The following ANKRD13C variants were observed in gnomAD, a reference collection of about 807,000 sequenced individuals.
ANKRD13C encodes the protein ankyrin repeat domain-containing protein 13C.
ANKRD13C carries 16 observed loss-of-function variants against 65.5 expected under a neutral mutation model. The observed-to-expected ratio is 0.24, with a 90% CI of 0.17 to 0.37. ANKRD13C has a LOEUF of 0.37. ANKRD13C is among the 10% of genes least tolerant of loss of function. The pLI is 1.00. For missense variants in ANKRD13C, 503 were observed against 655.9 expected, an observed-to-expected ratio of 0.77 and a Z score of 2.55; for synonymous variants, 235 against 238.7, an observed-to-expected ratio of 0.98 and a Z score of 0.14.
At chr1:70,303,773 A>C (rs1680474909) in intron 6 of ANKRD13C, among the ~76,000 whole-genome samples, 1 of 152,208 alleles carries the variant, frequency 6.6e-6, no homozygotes, top group Admixed American at 6.5e-5. Flanking sequence ...TTAAAATAGC[A>C]AGTTTTTATT....
At chr1:70,344,431 T>A (rs1283520248) in intron 1 of ANKRD13C, among the ~76,000 whole-genome samples, 1 of 150,788 alleles carries the variant, frequency 6.6e-6, no homozygotes, top group African/African-American at 2.4e-5. Flanking sequence ...ACTATTGCAC[T>A]CCAGCCAGGA....
intron 9 of ANKRD13C, among the ~76,000 whole-genome samples, chr1:70,282,301 C>T (rs899985076): frequency 9.2e-5 from 14 of 151,600 alleles, no homozygotes; most frequent in South Asian, 2.1e-4. Context: ...GTGATTTGCC[C>T]GCCTCAGCCT....
chr1:70,265,358 A>G (rs971475770), intron 12 of ANKRD13C, among the ~76,000 whole-genome samples: 1 of 152,238 alleles, frequency 6.6e-6, no homozygotes, highest in Non-Finnish European at 1.5e-5. Flanking sequence ...AAGGACTTCA[A>G]AATAAGAAAA....
At chr1:70,327,251 G>A (rs1681583548) in intron 2 of ANKRD13C, among the ~76,000 whole-genome samples, 1 of 152,160 alleles carries the variant, frequency 6.6e-6, no homozygotes, top group Non-Finnish European at 1.5e-5. Flanking sequence ...TGTGATATAT[G>A]TAAAGTTCCT....
At chr1:70,341,431 G>A (rs935651388) in intron 1 of ANKRD13C, among the ~76,000 whole-genome samples, 9 of 143,238 alleles carry the variant, frequency 6.3e-5, no homozygotes, top group Admixed American at 1.5e-4. Context: ...GTACAATCTC[G>A]GCTCACTGCA....
At chr1:70,316,710 T>A (rs181541874) in intron 3 of ANKRD13C, among the ~76,000 whole-genome samples, 117 of 152,160 alleles carry the variant, frequency 7.7e-4, no homozygotes, top group Non-Finnish European at 1.4e-3. Flanking sequence ...AATTTTTATC[T>A]ATTAGAATGA....
At chr1:70,330,027 T>C (rs1383716105) in intron 2 of ANKRD13C, among the ~76,000 whole-genome samples, 2 of 150,484 alleles carry the variant, frequency 1.3e-5, no homozygotes, top group Non-Finnish European at 3.0e-5. Flanking sequence ...GGAGCAGAGA[T>C]TGCAGTGAGC....
intron 4 of ANKRD13C, among the ~76,000 whole-genome samples, chr1:70,314,532 A>C (rs925152335): frequency 6.6e-6 from 1 of 151,898 alleles, no homozygotes; most frequent in Non-Finnish European, 1.5e-5. Flanking sequence ...GCCGAAAAAA[A>C]ATTTTATTTT....
In ANKRD13C at chr1:70,294,552, G is replaced by GA. The variant is rs891438900; in HGVS notation, c.1053+1577dup. Among the ~76,000 whole-genome samples the GA allele has an allele frequency of 1.9e-4, 27 of 144,446 alleles. No individual in the cohort carries two copies. In the East Asian group the frequency reaches 2.8e-3, roughly 15 times the overall value. 94.8% of individuals were successfully genotyped at this position (144,446 alleles called of 152,430 possible). On this transcript the variant is annotated intron_variant, in intron 8 of 12. Transcript: ENST00000370944. ...TAAGAGCAAAAACTGAGGTTTCCAG[G>GA]AAAAAAAAAAGCAATTCTGCCTCAA...
chr1:70,272,694 TTGG>T (rs2101126065), intron 11 of ANKRD13C, among the ~76,000 whole-genome samples: 1 of 152,126 alleles, frequency 6.6e-6, no homozygotes, highest in South Asian at 2.1e-4. Flanking sequence ...GAATATAAAA[TTGG>T]TGAATCTTTG....
rs1398820738 is a variant in ANKRD13C, at chr1:70,262,159, T to C, written c.*558A>G. ...TTTGGTTCATTCATCTACAGAAAATTGCATTCCTTCTAGTTCATTATATTG... is the reference window on the plus strand; with the variant it reads ...TTTGGTTCATTCATCTACAGAAAATCGCATTCCTTCTAGTTCATTATATTG... On this transcript the variant is annotated 3_prime_UTR_variant, in exon 13 of 13. Transcript: ENST00000370944. 6.6e-6 allele frequency: 1 copy of C among 152,558 alleles called. No homozygotes were observed. Among genetic ancestry groups the C allele is most frequent in the Non-Finnish European group, 1.5e-5 (1 of 67,982 alleles). 9.5% of individuals were successfully genotyped at this position (152,558 alleles called of 1,614,324 possible).
At chr1:70,335,318 A>C (rs1681974291) in intron 2 of ANKRD13C, among the ~76,000 whole-genome samples, 1 of 151,340 alleles carries the variant, frequency 6.6e-6, no homozygotes, top group Non-Finnish European at 1.5e-5. Context: ...ACGCAGGAGA[A>C]TTGCTTAAAC....
chr1:70,309,015 G>A (rs1680717842), intron 5 of ANKRD13C, among the ~76,000 whole-genome samples: 1 of 150,696 alleles, frequency 6.6e-6, no homozygotes, highest in East Asian at 1.9e-4. Flanking sequence ...TTTTCATTTG[G>A]CTACCACTTA....
In ANKRD13C at chr1:70,260,399, C is replaced by T. The variant is rs753690960; in HGVS notation, c.*2318G>A. Among the ~76,000 whole-genome samples the T allele has an allele frequency of 2.0e-5, 3 of 152,000 alleles. No individual in the cohort carries two copies. Among genetic ancestry groups the T allele is most frequent in the Admixed American group, 6.6e-5 (1 of 15,252 alleles). ...TATTGAAGATGACTATACGATTGTC[C>T]CCCTACCAATTTAAACAGTTTCAAA... On this transcript the variant is annotated 3_prime_UTR_variant, in exon 13 of 13. Coordinates refer to ENST00000370944, the MANE Select transcript of ANKRD13C (RefSeq NM_030816.5).
chr1:70,288,546 A>C lies in ANKRD13C; in HGVS notation c.1215+3842T>G, dbSNP rs185757949. ...TGGTACACTAATACCATGAAATACT[A>C]CTCAACAAAAAAAGAACAAACTATT... is the stretch of plus-strand genomic sequence containing the variant. On this transcript the variant is annotated intron_variant, in intron 9 of 12. Coordinates refer to ENST00000370944, the MANE Select transcript of ANKRD13C (RefSeq NM_030816.5). Among the ~76,000 whole-genome samples, 4 of 152,350 alleles carry C rather than the reference A, an allele frequency of 2.6e-5. No homozygotes were observed. In the East Asian group the frequency reaches 7.7e-4, roughly 29 times the overall value.
Position 70,307,308 on chromosome 1 carries a change from G to A in ANKRD13C, c.710-1018C>T, listed in dbSNP as rs1024619734. On this transcript the variant is annotated intron_variant, in intron 5 of 12. Coordinates refer to ENST00000370944, the MANE Select transcript of ANKRD13C (RefSeq NM_030816.5). ...TCCCAGCACTTTGAGAGGCCAAAGC[G>A]GATAAATCGCTTGAGCCCAGGAGTT... Among the ~76,000 whole-genome samples, 6 of 152,184 alleles carry A rather than the reference G, an allele frequency of 3.9e-5. No individual in the cohort carries two copies. In the East Asian group the frequency reaches 7.7e-4, roughly 20 times the overall value.
At chr1:70,274,372 G>GCTGAGGCA (rs1679033693) in intron 11 of ANKRD13C, among the ~76,000 whole-genome samples, 1 of 150,932 alleles carries the variant, frequency 6.6e-6, no homozygotes, top group African/African-American at 2.4e-5. Flanking sequence ...TACTCAGGAG[G>GCTGAGGCA]CTGAGGCAGG....
chr1:70,314,070 G>A (rs1240332010), intron 4 of ANKRD13C, among the ~76,000 whole-genome samples: 1 of 151,650 alleles, frequency 6.6e-6, no homozygotes, highest in Non-Finnish European at 1.5e-5. Context: ...CTTTAGAAGT[G>A]TTATTAAAAA....
intron 5 of ANKRD13C, among the ~76,000 whole-genome samples, chr1:70,312,216 A>G (rs1680877005): frequency 6.6e-6 from 1 of 152,202 alleles, no homozygotes; most frequent in African/African-American, 2.4e-5. Context: ...TTTCTTACTG[A>G]CGAGTTGAAG....
Sources: gnomAD v4.1 joint callset for allele counts (sites outside exome capture counted in the v4.1 genomes callset) on GRCh38, gnomAD v4.1.1 for gene constraint, MANE v1.5 for transcripts, NCBI Gene and HGNC (gene_info 2026-07-23, HGNC 2026-07-21) for gene names.